Variants in NUP155 observed in about 807,000 individuals in gnomAD.
The protein encoded by NUP155 is nuclear pore complex protein Nup155.
NUP155 carries 71 observed loss-of-function variants against 180.4 expected under a neutral mutation model. That is an observed-to-expected ratio of 0.39 (90% CI 0.33 to 0.48). NUP155 has a LOEUF of 0.48. NUP155 is among the 20% of genes least tolerant of loss of function. The pLI is 0.91. For synonymous variants in NUP155, 582 were observed against 559.5 expected (o/e 1.04, Z -0.57); for missense variants, 1,553 against 1,648.9 (o/e 0.94, Z 1.01).
chr5:37,329,396 C>A, intron 15 of NUP155, 118 bp from the exon 16 acceptor site: 1 of 749,504 alleles, frequency 1.3e-6, no homozygotes, highest in Non-Finnish European at 2.4e-6. Flanking sequence ...TTAGAGACTT[C>A]AATGTATTGT....
At chr5:37,368,655 A>G (rs1440555212) in intron 1 of NUP155, among the ~76,000 whole-genome samples, 1 of 152,052 alleles carries the variant, frequency 6.6e-6, no homozygotes, top group Non-Finnish European at 1.5e-5. Flanking sequence ...CCCTGTCTCT[A>G]CTAAAAATAG....
chr5:37,299,082 G>T, intron 31 of NUP155, 104 bp from the exon 32 acceptor site: 1 of 740,986 alleles, frequency 1.3e-6, no homozygotes, highest in Non-Finnish European at 2.4e-6. Context: ...CTTTAGAACA[G>T]ATAGTCACAT....
rs1269842645 is a variant in NUP155 at position 37,326,115 on chromosome 5, T to G, written c.2025-148A>C. 4.7e-6 allele frequency: 3 copies of G among 638,992 alleles called. No individual in the cohort carries two copies. The African/African-American group carries it at 5.5e-5, about 12-fold the overall frequency. The allele number at this position is 638,992 out of a possible 1,614,324, so 39.6% of individuals were successfully genotyped here. A position where few individuals can be genotyped will look rare whatever the true frequency, so the allele number is the denominator to read the frequency against. On this transcript the variant is annotated intron_variant, in intron 18 of 34. Coordinates refer to ENST00000231498, the MANE Select transcript of NUP155 (RefSeq NM_153485.3). ...CATTTTACTAAGCTATCTAGAAGAG[T>G]GGAATACTAGAAAATTTTCATACCT...
At chr5:37,353,388 G>C (rs1461112493) in intron 4 of NUP155, among the ~76,000 whole-genome samples, 1 of 151,964 alleles carries the variant, frequency 6.6e-6, no homozygotes, top group Non-Finnish European at 1.5e-5. Context: ...TTTGAGACCA[G>C]CCTGGCCAAC....
At chr5:37,354,375 C>T (rs1305626281) in intron 4 of NUP155, among the ~76,000 whole-genome samples, 3 of 151,888 alleles carry the variant, frequency 2.0e-5, no homozygotes, top group Non-Finnish European at 2.9e-5. Flanking sequence ...GAATTCCTGA[C>T]GTCAGTTGAT....
At chr5:37,326,841 T>C (rs946034481) in intron 18 of NUP155, among the ~76,000 whole-genome samples, 4 of 152,190 alleles carry the variant, frequency 2.6e-5, no homozygotes, top group African/African-American at 7.2e-5. Flanking sequence ...TGTACATTCA[T>C]ATGTAAGTAG....
At chr5:37,312,155 G>C (rs1182237462) in intron 22 of NUP155, among the ~76,000 whole-genome samples, 1 of 152,106 alleles carries the variant, frequency 6.6e-6, no homozygotes, top group Non-Finnish European at 1.5e-5. Flanking sequence ...GCAGTATTAG[G>C]CTTACTACTT....
Position 37,370,851 on chromosome 5 carries a change from G to C in NUP155, c.127C>G (p.Leu43Val). 1 of 1,614,206 alleles carries C rather than the reference G, an allele frequency of 6.2e-7. No homozygotes were observed. Among genetic ancestry groups the C allele is most frequent in the South Asian group, 1.1e-5 (1 of 91,088 alleles). ...GCAGACACCATAAGCAGCTCGGAAAGGTCCGGGTACATGCGGTCCTCTTGC... is the reference window on the plus strand; with the variant it reads ...GCAGACACCATAAGCAGCTCGGAAACGTCCGGGTACATGCGGTCCTCTTGC... ...QLQEDRMYPD[L>V]SELLMVSAPN... The change falls in exon 1 of 35, where the codon CTT becomes GTT. Residue 43 changes from leucine to valine, a missense_variant. By Grantham distance (32) the Leu-to-Val change is conservative. Coordinates refer to ENST00000231498, the MANE Select transcript of NUP155 (RefSeq NM_153485.3).
intron 9 of NUP155, among the ~76,000 whole-genome samples, chr5:37,343,735 A>G (rs1007283510): frequency 1.3e-5 from 2 of 151,766 alleles, no homozygotes; most frequent in African/African-American, 4.8e-5. Flanking sequence ...TACTAAAAAT[A>G]CAAAAAAATT....
intron 12 of NUP155, 28 bp downstream of exon 12, chr5:37,337,790 T>G: frequency 7.3e-7 from 1 of 1,375,484 alleles, no homozygotes; most frequent in South Asian, 1.2e-5. Flanking sequence ...TATATAATAG[T>G]TTTTTCAGAA....
intron 22 of NUP155, among the ~76,000 whole-genome samples, chr5:37,311,319 C>A (rs1743508467): frequency 6.6e-6 from 1 of 151,964 alleles, no homozygotes; most frequent in African/African-American, 2.4e-5. Context: ...ATTGAGCATG[C>A]CATTGGTGAT....
chr5:37,359,277 G>T (rs1214306340), intron 3 of NUP155, among the ~76,000 whole-genome samples: 3 of 151,778 alleles, frequency 2.0e-5, no homozygotes, highest in Non-Finnish European at 4.4e-5. Flanking sequence ...ACCTGCTTAT[G>T]GCTAAGGATG....
Position 37,354,287 on chromosome 5 carries a change from C to T in NUP155, c.464-1458G>A, listed in dbSNP as rs534517548. ...TCAGCCTCCCGAGTAGGTGAGATTA[C>T]AGGCATATGGCACCATGCCCAGCTT... On this transcript the variant is annotated intron_variant, in intron 4 of 34. Transcript: ENST00000231498. Among the ~76,000 whole-genome samples, 10 of 151,980 alleles carry T rather than the reference C, an allele frequency of 6.6e-5. No individual in the cohort carries two copies. The South Asian group carries it at 2.1e-3, about 32-fold the overall frequency.
At chr5:37,324,162 T>C in intron 19 of NUP155, 55 bp from the exon 20 acceptor site, 2 of 1,013,960 alleles carry the variant, frequency 2.0e-6, no homozygotes, top group African/African-American at 3.2e-5. Flanking sequence ...TGTATAGCTA[T>C]AATATAAACA....
At chr5:37,334,362 C>T (rs1745178401) in intron 12 of NUP155, among the ~76,000 whole-genome samples, 1 of 151,348 alleles carries the variant, frequency 6.6e-6, no homozygotes, top group Admixed American at 6.6e-5. Context: ...CTTGGCCTCT[C>T]AAAGTGCTAA....
intron 5 of NUP155, 24 bp from the exon 6 acceptor site, chr5:37,351,380 T>C (rs982925241): frequency 3.2e-6 from 5 of 1,543,786 alleles, no homozygotes; most frequent in Non-Finnish European, 4.5e-6. Context: ...AATACATAAA[T>C]CAGTTTATTA....
At chr5:37,347,950 C>A (rs1162272644) in intron 9 of NUP155, among the ~76,000 whole-genome samples, 2 of 151,992 alleles carry the variant, frequency 1.3e-5, no homozygotes, top group Non-Finnish European at 2.9e-5. Flanking sequence ...TCCTGGCCAA[C>A]ATGGTGAAAC....
In NUP155 at chr5:37,291,578, A is replaced by G; in HGVS notation, c.*322T>C. On this transcript the variant is annotated 3_prime_UTR_variant, in exon 35 of 35. Transcript: ENST00000231498. ...GTTTTAATGCCAATATCCTTGGACT[A>G]ACTTGAAAATGAATAATATAAATTC... The G allele has an allele frequency of 4.2e-6, 1 of 240,676 alleles. No individual in the cohort carries two copies. Among genetic ancestry groups the G allele is most frequent in the Non-Finnish European group, 8.2e-6 (1 of 121,884 alleles). The allele number at this position is 240,676 out of a possible 1,614,324, so 14.9% of individuals were successfully genotyped here.
At chr5:37,337,977 CT>C in intron 11 of NUP155, 59 bp from the exon 12 acceptor site, 6 of 1,064,366 alleles carry the variant, frequency 5.6e-6, no homozygotes, top group Non-Finnish European at 8.6e-6. Flanking sequence ...CCTCAATAAC[CT>C]TAATAATTAT....
Sources: gnomAD v4.1 joint callset for allele counts (sites outside exome capture counted in the v4.1 genomes callset) on GRCh38, gnomAD v4.1.1 for gene constraint, MANE v1.5 for transcripts, NCBI Gene and HGNC (gene_info 2026-07-23, HGNC 2026-07-21) for gene names.